SLC19A3: variants seen among roughly 807,000 people sequenced by gnomAD.
SLC19A3 encodes the protein thiamine transporter 2.
In SLC19A3, 31 loss-of-function variants were observed where a neutral mutation model predicts 40.2. That is an observed-to-expected ratio of 0.77 (90% CI 0.58 to 1.04). The LOEUF is 1.04. Ranked by LOEUF, SLC19A3 falls within the 50% of genes least tolerant of loss-of-function variation. The pLI is 0.00. For synonymous variants in SLC19A3, 212 were observed against 227.5 expected (o/e 0.93, Z 0.61); for missense variants, 592 against 596.7 (o/e 0.99, Z 0.08).
At chr2:227,715,162 A>G (rs770641592) in intron 1 of SLC19A3, among the ~76,000 whole-genome samples, 1 of 151,406 alleles carries the variant, frequency 6.6e-6, no homozygotes, top group Non-Finnish European at 1.5e-5. Flanking sequence ...TTTAGCTTCT[A>G]TAGAATTTTG....
In SLC19A3 at chr2:227,686,419, A is replaced by C. The variant is rs1179815268; in HGVS notation, c.*978T>G. The stretch of plus-strand genomic sequence containing the variant: ...CTGTAGCCTCTGACTCCTGTGCTCA[A>C]CCCATCCTCCCACCATGGCCTCCCA... On this transcript the variant is annotated 3_prime_UTR_variant, in exon 6 of 6. Coordinates refer to ENST00000644224, the MANE Select transcript of SLC19A3 (RefSeq NM_025243.4). The C allele has an allele frequency of 6.2e-6, 1 of 161,370 alleles. No individual in the cohort carries two copies. The highest frequency in any genetic ancestry group is 1.4e-5 in the Non-Finnish European group (1 of 72,954). The allele number at this position is 161,370 out of a possible 1,614,324, so 10.0% of individuals were successfully genotyped here. A position where few individuals can be genotyped will look rare whatever the true frequency, so the allele number is the denominator to read the frequency against.
chr2:227,693,586 A>T (rs200889894), intron 4 of SLC19A3, among the ~76,000 whole-genome samples: 1 of 152,188 alleles, frequency 6.6e-6, no homozygotes, highest in Admixed American at 6.5e-5. Context: ...ATACAAAATC[A>T]AGTCAAAATG....
intron 1 of SLC19A3, among the ~76,000 whole-genome samples, chr2:227,704,778 CTT>C (rs1322188068): frequency 6.6e-6 from 1 of 152,060 alleles, no homozygotes; most frequent in Non-Finnish European, 1.5e-5. Context: ...AGAGTGAGAT[CTT>C]GTCTCAAAAA....
At chr2:227,700,783 A>T in intron 2 of SLC19A3, 1 of 575,580 alleles carries the variant, frequency 1.7e-6, no homozygotes, top group Non-Finnish European at 2.7e-6. Context: ...GGCTCAATTT[A>T]ATATGGATCA....
Position 227,687,407 on chromosome 2 carries a change from G to A in SLC19A3, c.1481C>T (p.Thr494Ile), listed in dbSNP as rs1362986324. The change falls in exon 6 of 6, where the codon ACA becomes ATA. Residue 494 changes from threonine (T) to isoleucine (I), a missense_variant. By Grantham distance (89) the Thr-to-Ile change is moderately conservative (BLOSUM62 -1). Coordinates refer to ENST00000644224, the MANE Select transcript of SLC19A3 (RefSeq NM_025243.4). ...TTTGTTGCGATGAGGTTAGAGTTTTGTTGACATGATGATATTACTCTCTTC... is the reference window on the plus strand; with the variant it reads ...TTTGTTGCGATGAGGTTAGAGTTTTATTGACATGATGATATTACTCTCTTC... ...PEEESNIIMS[T>I]KL is the part of the protein sequence containing the mutation. 2 of 1,607,804 alleles carry A rather than the reference G, an allele frequency of 1.2e-6. No individual in the cohort carries two copies. Among genetic ancestry groups the A allele is most frequent in the East Asian group, 2.2e-5 (1 of 44,748 alleles).
Position 227,712,939 on chromosome 2 carries a change from G to A in SLC19A3, c.-3+5004C>T, listed in dbSNP as rs369574840. On this transcript the variant is annotated intron_variant, in intron 1 of 5. Transcript: ENST00000644224. ...GGGAAGAGAGTGACTGCAATAGAGCGCAGGGGAACTTCCTGGGGTGACCAA... is the reference window on the plus strand; with the variant it reads ...GGGAAGAGAGTGACTGCAATAGAGCACAGGGGAACTTCCTGGGGTGACCAA... Among the ~76,000 whole-genome samples, 292 of 152,280 alleles carry A rather than the reference G, an allele frequency of 1.9e-3. 2 individuals carry two copies. The highest frequency in any genetic ancestry group is 6.4e-3 in the African/African-American group (264 of 41,558).
Position 227,684,318 on chromosome 2 carries a change from A to ATT in SLC19A3, c.*3077_*3078dup, listed in dbSNP as rs1221383137. ...TGAATATGTGAAGGAATCATAATGCATTTTTTAATCCACTTTGGGTCTCAC... is the reference window on the plus strand; with the variant it reads ...TGAATATGTGAAGGAATCATAATGCATTTTTTTTAATCCACTTTGGGTCTCAC... On this transcript the variant is annotated 3_prime_UTR_variant, in exon 6 of 6. Coordinates refer to ENST00000644224, the MANE Select transcript of SLC19A3 (RefSeq NM_025243.4). 6.6e-6 allele frequency: 1 copy of ATT among 151,302 alleles called. No individual in the cohort carries two copies. Among genetic ancestry groups the ATT allele is most frequent in the Non-Finnish European group, 1.5e-5 (1 of 67,782 alleles). 9.4% of individuals were successfully genotyped at this position (151,302 alleles called of 1,614,324 possible). A position where few individuals can be genotyped will look rare whatever the true frequency, so the allele number is the denominator to read the frequency against.
At chr2:227,706,183 T>A in intron 1 of SLC19A3, 1 of 551,722 alleles carries the variant, frequency 1.8e-6, no homozygotes, top group Non-Finnish European at 2.7e-6. Context: ...TGTTCTTTTG[T>A]CTTTTTTCCA....
At chr2:227,705,690 C>T (rs1324746454) in intron 1 of SLC19A3, among the ~76,000 whole-genome samples, 3 of 151,948 alleles carry the variant, frequency 2.0e-5, no homozygotes, top group South Asian at 4.2e-4. Context: ...ACACATGGGG[C>T]GAACAACATG....
chr2:227,694,020 T>C (rs1402322291), intron 4 of SLC19A3, among the ~76,000 whole-genome samples: 1 of 152,182 alleles, frequency 6.6e-6, no homozygotes, highest in East Asian at 1.9e-4. Flanking sequence ...CAATGAGATA[T>C]TATCTCACTT....
chr2:227,701,486 G>T (rs1271080425), intron 2 of SLC19A3: 1 of 165,000 alleles, frequency 6.1e-6, no homozygotes, highest in Non-Finnish European at 1.3e-5. Flanking sequence ...GCCGAGCATG[G>T]TGGCTCATGC....
chr2:227,715,080 A>G (rs1391178929), intron 1 of SLC19A3, among the ~76,000 whole-genome samples: 4 of 152,066 alleles, frequency 2.6e-5, no homozygotes, highest in African/African-American at 9.7e-5. Flanking sequence ...TCAGCCACTC[A>G]AAGTGCTGGG....
rs13425104 is a variant in SLC19A3 at position 227,712,053 on chromosome 2, A to C, written c.-3+5890T>G. ...CGACAGAATGAAACTCTGTCTCCAAAAAAAAAAAAAAAAAAAAAAAAAAAG... is the reference window on the plus strand; with the variant it reads ...CGACAGAATGAAACTCTGTCTCCAACAAAAAAAAAAAAAAAAAAAAAAAAG... On this transcript the variant is annotated intron_variant, in intron 1 of 5. Coordinates refer to ENST00000644224, the MANE Select transcript of SLC19A3 (RefSeq NM_025243.4). Among the ~76,000 whole-genome samples the C allele has an allele frequency of 0.02, 893 of 44,094 alleles. 3 individuals are homozygous for C. The East Asian group carries it at 0.3, about 15-fold the overall frequency. The allele number at this position is 44,094 out of a possible 152,430, so 28.9% of individuals were successfully genotyped here. A position where few individuals can be genotyped will look rare whatever the true frequency, so the allele number is the denominator to read the frequency against.
intron 2 of SLC19A3, chr2:227,701,169 T>C: frequency 8.5e-7 from 1 of 1,170,962 alleles, no homozygotes; most frequent in African/African-American, 1.6e-5. Flanking sequence ...GAAGCTTGCC[T>C]TTCTGTCTTT....
At chr2:227,706,027 G>A (rs1379543637) in intron 1 of SLC19A3, among the ~76,000 whole-genome samples, 1 of 149,992 alleles carries the variant, frequency 6.7e-6, no homozygotes, top group African/African-American at 2.5e-5. Flanking sequence ...CACTCTGGGC[G>A]ACAGAGTGAG....
chr2:227,715,225 T>C (rs1696291630), intron 1 of SLC19A3, among the ~76,000 whole-genome samples: 1 of 151,376 alleles, frequency 6.6e-6, no homozygotes, highest in Non-Finnish European at 1.5e-5. Flanking sequence ...ATCACCCATC[T>C]ATAATCCTTT....
chr2:227,693,596 G>T (rs1367140262), intron 4 of SLC19A3, among the ~76,000 whole-genome samples: 1 of 152,118 alleles, frequency 6.6e-6, no homozygotes, highest in Non-Finnish European at 1.5e-5. Context: ...AAGTCAAAAT[G>T]GATTAATGAC....
intron 5 of SLC19A3, among the ~76,000 whole-genome samples, chr2:227,687,799 G>T (rs2106317704): frequency 6.6e-6 from 1 of 152,254 alleles, no homozygotes; most frequent in Non-Finnish European, 1.5e-5. Flanking sequence ...AGAGCAGGTT[G>T]CTTGGGTTAA....
chr2:227,706,932 C>T (rs1695967543), intron 1 of SLC19A3, among the ~76,000 whole-genome samples: 1 of 152,204 alleles, frequency 6.6e-6, no homozygotes, highest in Non-Finnish European at 1.5e-5. Flanking sequence ...ACAGACCTTA[C>T]CTTGGTGGAC....
Sources: gnomAD v4.1 joint callset for allele counts (sites outside exome capture counted in the v4.1 genomes callset) on GRCh38, gnomAD v4.1.1 for gene constraint, MANE v1.5 for transcripts, NCBI Gene and HGNC (gene_info 2026-07-23, HGNC 2026-07-21) for gene names.